M1AP: variants seen among roughly 807,000 people sequenced by gnomAD.
M1AP encodes the protein meiosis 1 associated protein, also known as meiosis 1 arrest protein.
M1AP carries 39 observed loss-of-function variants against 51.2 expected under a neutral mutation model. The ratio of observed to expected loss-of-function variants is 0.76; its 90% CI spans 0.59 to 1.00. M1AP has a LOEUF of 1.00. Ranked by LOEUF, M1AP falls within the 50% of genes least tolerant of loss-of-function variation. The probability of loss-of-function intolerance (pLI) is 0.00; values close to 1 mark genes in which losing one functional copy is unlikely to be tolerated. For synonymous variants in M1AP, 251 were observed against 249.2 expected, an observed-to-expected ratio of 1.01 and a Z score of -0.07; for missense variants, 545 against 641.2, an observed-to-expected ratio of 0.85 and a Z score of 1.62.
intron 5 of M1AP, among the ~76,000 whole-genome samples, chr2:74,577,728 A>G (rs1050948768): frequency 3.5e-4 from 54 of 152,212 alleles, no homozygotes; most frequent in Admixed American, 3.9e-4. Context: ...ACAGGAAGTC[A>G]GTAGGAGGGA....
At chr2:74,595,214 T>C (rs1344559645) in intron 4 of M1AP, among the ~76,000 whole-genome samples, 1 of 152,070 alleles carries the variant, frequency 6.6e-6, no homozygotes, top group Admixed American at 6.5e-5. Context: ...GAAGTCTCAC[T>C]ATGCTGCCCA....
At chr2:74,648,136 C>A in intron 1 of M1AP, 129 bp downstream of exon 1, 2 of 973,396 alleles carry the variant, frequency 2.1e-6, no homozygotes. Flanking sequence ...CGCCGGCACC[C>A]GCCACGGCCA....
intron 4 of M1AP, among the ~76,000 whole-genome samples, chr2:74,595,132 T>C (rs777451085): frequency 6.6e-6 from 1 of 152,070 alleles, no homozygotes; most frequent in Non-Finnish European, 1.5e-5. Context: ...CCTCCCACCT[T>C]AGCCTTCCAA....
At chr2:74,643,962 T>G (rs1437970477) in intron 1 of M1AP, among the ~76,000 whole-genome samples, 2 of 152,150 alleles carry the variant, frequency 1.3e-5, no homozygotes, top group Non-Finnish European at 2.9e-5. Flanking sequence ...AAACTACACA[T>G]TCATGTTTTA....
At chr2:74,640,736 G>T (rs190738115) in intron 1 of M1AP, among the ~76,000 whole-genome samples, 9 of 151,708 alleles carry the variant, frequency 5.9e-5, no homozygotes, top group African/African-American at 2.2e-4. Flanking sequence ...AATTACAGGC[G>T]TGAGCCACCG....
intron 4 of M1AP, among the ~76,000 whole-genome samples, chr2:74,606,601 CAT>C (rs147796011): frequency 3.7e-4 from 55 of 147,898 alleles, no homozygotes; most frequent in Admixed American, 5.4e-4. Context: ...TGTGTGTGTG[CAT>C]ATATATATAT....
intron 4 of M1AP, among the ~76,000 whole-genome samples, chr2:74,603,304 G>A (rs1044821741): frequency 2.6e-5 from 4 of 152,342 alleles, no homozygotes; most frequent in African/African-American, 7.2e-5. Context: ...AGTAAGACAA[G>A]TTTCTAATGC....
intron 4 of M1AP, among the ~76,000 whole-genome samples, chr2:74,587,743 C>T (rs1034868385): frequency 6.6e-6 from 1 of 152,122 alleles, no homozygotes; most frequent in East Asian, 1.9e-4. Flanking sequence ...GGAAAGGTTA[C>T]AGGAGTGAAA....
chr2:74,645,039 G>A (rs184898126), intron 1 of M1AP, among the ~76,000 whole-genome samples: 33 of 152,192 alleles, frequency 2.2e-4, no homozygotes, highest in African/African-American at 7.0e-4. Flanking sequence ...AAATCTTGCC[G>A]CTGCTCACTT....
chr2:74,646,991 C>G (rs1260419824), intron 1 of M1AP, among the ~76,000 whole-genome samples: 1 of 152,148 alleles, frequency 6.6e-6, no homozygotes, highest in Non-Finnish European at 1.5e-5. Flanking sequence ...GGGCATAGTA[C>G]TAAACAGGCT....
chr2:74,565,944 C>G (rs907858111), intron 7 of M1AP, among the ~76,000 whole-genome samples: 1 of 151,940 alleles, frequency 6.6e-6, no homozygotes, highest in African/African-American at 2.4e-5. Context: ...CTTCCTCAAC[C>G]TGATAAAAAC....
At chr2:74,585,256 G>A (rs1341522760) in intron 4 of M1AP, among the ~76,000 whole-genome samples, 1 of 152,158 alleles carries the variant, frequency 6.6e-6, no homozygotes, top group East Asian at 1.9e-4. Flanking sequence ...CATCTTAAGT[G>A]CAGCTCAGAG....
chr2:74,643,036 T>C (rs1248513386), intron 1 of M1AP, among the ~76,000 whole-genome samples: 1 of 152,156 alleles, frequency 6.6e-6, no homozygotes, highest in Non-Finnish European at 1.5e-5. Flanking sequence ...TTTTTGTATA[T>C]TGACTTTAAC....
At chr2:74,584,837 T>A (rs1414651466) in intron 4 of M1AP, among the ~76,000 whole-genome samples, 1 of 148,400 alleles carries the variant, frequency 6.7e-6, no homozygotes, top group Non-Finnish European at 1.5e-5. Flanking sequence ...TATTTTATTA[T>A]TATTTTTTTA....
chr2:74,587,698 C>T (rs1252000737), intron 4 of M1AP, among the ~76,000 whole-genome samples: 1 of 152,120 alleles, frequency 6.6e-6, no homozygotes, highest in East Asian at 1.9e-4. Context: ...GGTACCCATG[C>T]ACTAGATGAA....
At chr2:74,646,159 C>A (rs1272979776) in intron 1 of M1AP, among the ~76,000 whole-genome samples, 1 of 152,190 alleles carries the variant, frequency 6.6e-6, no homozygotes, top group East Asian at 1.9e-4. Context: ...CACTGCAGAT[C>A]CATTAGTCAG....
chr2:74,598,330 C>T (rs1291550240), intron 4 of M1AP, among the ~76,000 whole-genome samples: 1 of 151,762 alleles, frequency 6.6e-6, no homozygotes, highest in African/African-American at 2.4e-5. Context: ...TGTGGTGAGC[C>T]GAGACTGCGC....
intron 10 of M1AP, among the ~76,000 whole-genome samples, 171 bp downstream of exon 10, chr2:74,559,527 A>G (rs1677764466): frequency 6.6e-6 from 1 of 152,234 alleles, no homozygotes; most frequent in Non-Finnish European, 1.5e-5. Flanking sequence ...GGGCAAAAGG[A>G]AGCCCAAATA....
chr2:74,622,873 A>G (rs1277829169), intron 2 of M1AP, among the ~76,000 whole-genome samples: 1 of 151,696 alleles, frequency 6.6e-6, no homozygotes, highest in Non-Finnish European at 1.5e-5. Context: ...GGTATTGTTT[A>G]GTGAAGGGTA....
Sources: allele counts gnomAD v4.1 joint callset (sites outside exome capture counted in the v4.1 genomes callset), GRCh38; gene constraint gnomAD v4.1.1; transcripts MANE v1.5; gene names NCBI Gene and HGNC (gene_info 2026-07-23, HGNC 2026-07-21).